The following EDARADD variants were observed in gnomAD, a reference collection of about 807,000 sequenced individuals.
The protein encoded by EDARADD is EDAR associated via death domain.
In EDARADD, 20 loss-of-function variants were observed where a neutral mutation model predicts 25.6. The observed-to-expected ratio is 0.78, with a 90% confidence interval of 0.55 to 1.14. The LOEUF (loss-of-function observed/expected upper bound fraction) is 1.14, where lower values mean the gene tolerates loss of function less well. Among genes scored for constraint, EDARADD ranks in the 50% most tolerant of loss-of-function variants. EDARADD has a pLI of 0.00. For synonymous variants in EDARADD, 86 were observed against 94.4 expected (o/e 0.91, Z 0.52); for missense variants, 225 against 270.1 (o/e 0.83, Z 1.17).
intron 4 of EDARADD, among the ~76,000 whole-genome samples, chr1:236,447,072 T>C (rs1425995098): frequency 1.3e-5 from 2 of 152,200 alleles, no homozygotes; most frequent in African/African-American, 4.8e-5. Flanking sequence ...TAGCGAAATC[T>C]CTGTGACCCT....
intron 2 of EDARADD, among the ~76,000 whole-genome samples, chr1:236,350,529 C>A (rs748567096): frequency 2.0e-5 from 3 of 152,212 alleles, no homozygotes; most frequent in African/African-American, 7.2e-5. Context: ...CCCGCCTCGG[C>A]CTCCCAAAGT....
chr1:236,441,819 C>T (rs953862804), intron 4 of EDARADD, among the ~76,000 whole-genome samples: 3 of 152,160 alleles, frequency 2.0e-5, no homozygotes, highest in African/African-American at 7.2e-5. Context: ...TGTGAGTCAC[C>T]GCACCCGGCC....
At chr1:236,471,719 T>C (rs768436022) in intron 5 of EDARADD, among the ~76,000 whole-genome samples, 1 of 152,204 alleles carries the variant, frequency 6.6e-6, no homozygotes, top group African/African-American at 2.4e-5. Flanking sequence ...TCCTTACAAA[T>C]GATCTGAGAG....
At chr1:236,447,198 T>C (rs1320859728) in intron 4 of EDARADD, among the ~76,000 whole-genome samples, 1 of 63,320 alleles carries the variant, frequency 1.6e-5, no homozygotes, top group Non-Finnish European at 3.5e-5. Context: ...CTTTCTTTCT[T>C]TCTTTCTTTC....
intron 4 of EDARADD, among the ~76,000 whole-genome samples, chr1:236,451,338 C>T (rs1558128766): frequency 6.6e-6 from 1 of 152,100 alleles, no homozygotes; most frequent in Non-Finnish European, 1.5e-5. Flanking sequence ...AGTAAGTGCT[C>T]AATAAATATC....
chr1:236,352,737 A>G (rs528363140), intron 3 of EDARADD, among the ~76,000 whole-genome samples: 4 of 152,174 alleles, frequency 2.6e-5, no homozygotes, highest in African/African-American at 4.8e-5. Flanking sequence ...AATCCCAGCT[A>G]CAGGGGAGGC....
At chr1:236,423,232 C>T (rs1040811614) in intron 3 of EDARADD, among the ~76,000 whole-genome samples, 3 of 151,928 alleles carry the variant, frequency 2.0e-5, no homozygotes, top group African/African-American at 7.3e-5. Context: ...AAATATGTTG[C>T]CACCAGAACC....
intron 3 of EDARADD, among the ~76,000 whole-genome samples, chr1:236,358,280 A>G (rs1365284469): frequency 2.0e-5 from 3 of 152,240 alleles, no homozygotes; most frequent in African/African-American, 7.2e-5. Context: ...TCATTGGAAT[A>G]CTTATTCTAT....
chr1:236,417,932 CTT>C (rs36087031), intron 3 of EDARADD, among the ~76,000 whole-genome samples: 16 of 145,732 alleles, frequency 1.1e-4, no homozygotes, highest in East Asian at 5.9e-4. Flanking sequence ...GTAAGGTAGA[CTT>C]TTTTTTTTTC....
At chr1:236,425,453 C>T (rs1657891239) in intron 3 of EDARADD, among the ~76,000 whole-genome samples, 1 of 152,144 alleles carries the variant, frequency 6.6e-6, no homozygotes, top group South Asian at 2.1e-4. Context: ...TCCCTGGTCT[C>T]TCTCCTTCCT....
chr1:236,428,891 C>T (rs1034309279), intron 4 of EDARADD, among the ~76,000 whole-genome samples: 14 of 152,094 alleles, frequency 9.2e-5, no homozygotes, highest in South Asian at 2.1e-4. Context: ...CCCGGCGCCT[C>T]GGGAGGCCGA....
intron 1 of EDARADD, among the ~76,000 whole-genome samples, chr1:236,405,715 CT>C (rs1667695315): frequency 6.6e-6 from 1 of 150,470 alleles, no homozygotes; most frequent in Non-Finnish European, 1.5e-5. Flanking sequence ...TTTTCCTCTC[CT>C]TCCTTTCTTT....
intron 1 of EDARADD, among the ~76,000 whole-genome samples, chr1:236,407,094 A>G (rs1571916357): frequency 6.6e-6 from 1 of 152,166 alleles, no homozygotes; most frequent in Admixed American, 6.5e-5. Flanking sequence ...TGAGGGGTTC[A>G]TGTGGTGCTG....
In EDARADD at chr1:236,457,823, CAAAA is replaced by C. The variant is rs1553269204; in HGVS notation, c.220-10391_220-10388del. On this transcript the variant is annotated intron_variant, in intron 4 of 5. Coordinates refer to ENST00000334232, the MANE Select transcript of EDARADD (RefSeq NM_145861.4). ...GACAGAGCAAGACTCTGTCCCCCAC[CAAAA>C]AAAAAAAAAAAAAAAATCAGGCCAA... Among the ~76,000 whole-genome samples the C allele has an allele frequency of 1.8e-3, 209 of 118,254 alleles. 5 individuals carry two copies. The East Asian group carries it at 0.04, about 23-fold the overall frequency. The allele number at this position is 118,254 out of a possible 152,430, so 77.6% of individuals were successfully genotyped here. A position where few individuals can be genotyped will look rare whatever the true frequency, so the allele number is the denominator to read the frequency against.
At chr1:236,354,168 T>C (rs902073871) in intron 3 of EDARADD, among the ~76,000 whole-genome samples, 1 of 152,190 alleles carries the variant, frequency 6.6e-6, no homozygotes, top group Admixed American at 6.5e-5. Context: ...ATTCCTATAA[T>C]GTACTGACCT....
chr1:236,478,186 G>A (rs1659561908), intron 5 of EDARADD, among the ~76,000 whole-genome samples: 1 of 152,046 alleles, frequency 6.6e-6, no homozygotes, highest in African/African-American at 2.4e-5. Flanking sequence ...TGGGGCACAT[G>A]CACCAGTAGC....
At chr1:236,356,241 T>C (rs1341918370) in intron 3 of EDARADD, among the ~76,000 whole-genome samples, 1 of 152,098 alleles carries the variant, frequency 6.6e-6, no homozygotes, top group Non-Finnish European at 1.5e-5. Flanking sequence ...TGACATGAAT[T>C]CTGGATGAAG....
At chr1:236,455,883 G>A (rs549200279) in intron 4 of EDARADD, among the ~76,000 whole-genome samples, 34 of 152,204 alleles carry the variant, frequency 2.2e-4, no homozygotes, top group African/African-American at 7.0e-4. Context: ...TCTGCCTCCC[G>A]GGTTCACGCC....
chr1:236,394,493 G>A lies in EDARADD; in HGVS notation c.49G>A (p.Gly17Ser). The change falls in exon 1 of 6, where the codon GGT becomes AGT. Residue 17 changes from glycine (G) to serine (S), a missense_variant. By Grantham distance (56) the Gly-to-Ser change is moderately conservative (BLOSUM62 0). Coordinates refer to ENST00000334232, the MANE Select transcript of EDARADD (RefSeq NM_145861.4). ...KQMGRGTKAP[G>S]HQEDHMVKEP... is the part of the protein sequence containing the mutation. Reference sequence around the variant, plus strand: ...GATGGGGAGAGGCACTAAAGCTCCTGGTCACCAAGAGGGTATGTAGGCATT... The same window carrying A: ...GATGGGGAGAGGCACTAAAGCTCCTAGTCACCAAGAGGGTATGTAGGCATT... The A allele has an allele frequency of 6.2e-7, 1 of 1,613,938 alleles. No homozygotes were observed. The highest frequency in any genetic ancestry group is 8.5e-7 in the Non-Finnish European group (1 of 1,179,932).
Sources: allele counts gnomAD v4.1 joint callset (sites outside exome capture counted in the v4.1 genomes callset), GRCh38; gene constraint gnomAD v4.1.1; transcripts MANE v1.5; gene names NCBI Gene and HGNC (gene_info 2026-07-23, HGNC 2026-07-21).